Variants in NOSTRIN observed in about 807,000 individuals in gnomAD.
NOSTRIN encodes the protein BM247 homolog.
A neutral mutation model predicts 59.0 loss-of-function variants in NOSTRIN; 63 were observed. That is an observed-to-expected ratio of 1.07 (90% CI 0.87 to 1.32). NOSTRIN has a LOEUF of 1.32. Among genes scored for constraint, NOSTRIN ranks in the 40% most tolerant of loss-of-function variants. The pLI, the probability that NOSTRIN is intolerant of heterozygous loss-of-function variation, is 0.00. For missense variants in NOSTRIN, 512 were observed against 473.1 expected (o/e 1.08, Z -0.76); for synonymous variants, 200 against 165.4 (o/e 1.21, Z -1.61).
chr2:168,819,696 G>C (rs890729200), intron 2 of NOSTRIN, among the ~76,000 whole-genome samples: 3 of 152,208 alleles, frequency 2.0e-5, no homozygotes, highest in Non-Finnish European at 2.9e-5. Flanking sequence ...TAAAATGCAA[G>C]AGTAGATGAT....
intron 1 of NOSTRIN, among the ~76,000 whole-genome samples, chr2:168,810,780 C>G (rs999518142): frequency 6.6e-6 from 1 of 152,176 alleles, no homozygotes; most frequent in Non-Finnish European, 1.5e-5. Context: ...TCATCTAATT[C>G]ACTTGCTCTG....
chr2:168,818,754 A>C (rs1426385672), intron 2 of NOSTRIN, among the ~76,000 whole-genome samples: 1 of 152,236 alleles, frequency 6.6e-6, no homozygotes, highest in Non-Finnish European at 1.5e-5. Flanking sequence ...CCAGCCTTGC[A>C]TGCTGAGAGA....
At chr2:168,863,605 A>C in intron 15 of NOSTRIN, 1 of 985,310 alleles carries the variant, frequency 1.0e-6, no homozygotes. Flanking sequence ...GTTGTATTAA[A>C]GTTGTCTAAG....
intron 14 of NOSTRIN, among the ~76,000 whole-genome samples, chr2:168,861,205 T>C (rs1689425045): frequency 6.6e-6 from 1 of 152,106 alleles, no homozygotes; most frequent in Non-Finnish European, 1.5e-5. Context: ...ACCTAAACCA[T>C]CGTGAGGAGC....
In NOSTRIN at chr2:168,859,781, ATTTTTC is replaced by A. The variant is rs1015946304; in HGVS notation, c.1179+149_1179+154del. The A allele has an allele frequency of 7.7e-6, 9 of 1,174,052 alleles. No individual in the cohort carries two copies. The African/African-American group carries it at 9.3e-5, about 12-fold the overall frequency. 72.7% of individuals were successfully genotyped at this position (1,174,052 alleles called of 1,614,324 possible). ...GTTAGTTAAGAAGATAAATGTTTTT[ATTTTTC>A]TTTTGAGCACAATAACAAGAGCTAG... On this transcript the variant is annotated intron_variant, in intron 13 of 15. Coordinates refer to ENST00000317647, the MANE Select transcript of NOSTRIN (RefSeq NM_001039724.4).
At chr2:168,833,806 A>T (rs996582679) in intron 6 of NOSTRIN, among the ~76,000 whole-genome samples, 1 of 93,474 alleles carries the variant, frequency 1.1e-5, no homozygotes, top group Non-Finnish European at 2.0e-5. Flanking sequence ...AGAACATCTT[A>T]AAACAATCTC....
intron 2 of NOSTRIN, among the ~76,000 whole-genome samples, chr2:168,818,990 A>G (rs937798914): frequency 3.3e-5 from 5 of 152,256 alleles, no homozygotes; most frequent in South Asian, 2.1e-4. Context: ...GGCCAAGACA[A>G]TTGCTTGGAG....
chr2:168,844,565 A>T (rs1688292426), intron 8 of NOSTRIN, among the ~76,000 whole-genome samples: 1 of 152,164 alleles, frequency 6.6e-6, no homozygotes, highest in Non-Finnish European at 1.5e-5. Context: ...TGGAAAGATG[A>T]AGCAATGAGC....
At position 168,864,880 on chromosome 2, in the gene NOSTRIN, T is replaced by A; in HGVS notation, c.1431T>A (p.Phe477Leu). ...AGAAAAAAGAAGGAGGATGGTGGTT[T>A]GGATCTTTGAATGGGAAAAAAGGCC... is the stretch of plus-strand genomic sequence containing the variant. ...IHEKKEGGWWFGSLNGKKGHF... is the reference protein window; with the variant it reads ...IHEKKEGGWWLGSLNGKKGHF... The change falls in exon 16 of 16, where the codon TTT (phenylalanine) becomes TTA (leucine). Residue 477 changes from phenylalanine (F) to leucine (L), a missense_variant. By Grantham distance (22) the Phe-to-Leu change is conservative. Coordinates refer to ENST00000317647, the MANE Select transcript of NOSTRIN (RefSeq NM_001039724.4). The A allele has an allele frequency of 6.2e-7, 1 of 1,614,060 alleles. No homozygotes were observed. Among genetic ancestry groups the A allele is most frequent in the Non-Finnish European group, 8.5e-7 (1 of 1,179,960 alleles).
intron 10 of NOSTRIN, among the ~76,000 whole-genome samples, chr2:168,854,208 A>C (rs1394374884): frequency 6.6e-6 from 1 of 152,232 alleles, no homozygotes. Flanking sequence ...AATGAAAAAT[A>C]TGTAAATAAA....
chr2:168,825,363 T>C (rs1327544372), intron 3 of NOSTRIN, among the ~76,000 whole-genome samples: 1 of 152,226 alleles, frequency 6.6e-6, no homozygotes, highest in African/African-American at 2.4e-5. Flanking sequence ...GCCACATTCA[T>C]AATAGGCCTT....
intron 7 of NOSTRIN, among the ~76,000 whole-genome samples, chr2:168,837,560 C>T (rs553601714): frequency 6.6e-6 from 1 of 152,122 alleles, no homozygotes; most frequent in African/African-American, 2.4e-5. Flanking sequence ...CCGCCCGCCT[C>T]GGCCTCCCAA....
At chr2:168,840,528 T>TGAA (rs1253057959) in intron 7 of NOSTRIN, among the ~76,000 whole-genome samples, 4 of 32,414 alleles carry the variant, frequency 1.2e-4, no homozygotes, top group African/African-American at 5.8e-4. Context: ...AGACTCCATC[T>TGAA]CAAAAAAAAA....
At chr2:168,797,037 T>C (rs116849393), upstream of NOSTRIN, among the ~76,000 whole-genome samples, 139 of 152,020 alleles carry the variant, frequency 9.1e-4, 2 homozygotes, top group East Asian at 0.023. Flanking sequence ...AGGCAGACCA[T>C]TGAACTCATA....
chr2:168,792,498 G>A (rs368038198), intron 2 of NOSTRIN, among the ~76,000 whole-genome samples: 2 of 152,166 alleles, frequency 1.3e-5, no homozygotes, highest in South Asian at 2.1e-4. Flanking sequence ...CACCCAGGCT[G>A]GAGTGCAGTG....
At chr2:168,829,547 C>T (rs1687249387) in intron 5 of NOSTRIN, among the ~76,000 whole-genome samples, 1 of 152,198 alleles carries the variant, frequency 6.6e-6, no homozygotes, top group South Asian at 2.1e-4. Context: ...TCTCCAACTC[C>T]TGACCTCAGG....
At position 168,853,301 on chromosome 2, in the gene NOSTRIN, T is replaced by C. The variant is rs182153677; in HGVS notation, c.855+1897T>C. ...GTAGGCTGGTTTTTATCCAGTGTTA[T>C]GAAATTTACATGGACCAGGGACAAC... On this transcript the variant is annotated intron_variant, in intron 10 of 15. Coordinates refer to ENST00000317647, the MANE Select transcript of NOSTRIN (RefSeq NM_001039724.4). 5.8e-4 allele frequency among the ~76,000 whole-genome samples: 89 copies of C among 152,358 alleles called. 2 individuals are homozygous for C. Among genetic ancestry groups the C allele is most frequent in the Middle Eastern group, 3.4e-3 (1 of 294 alleles).
In NOSTRIN at chr2:168,828,230, C is replaced by T; in HGVS notation, c.260+10C>T. Reference sequence around the variant, plus strand: ...CAGCGGACCTGCATCAGTGAGTTCTCCCACCCTGGCCTTTCTCCAACTCCA... The same window carrying T: ...CAGCGGACCTGCATCAGTGAGTTCTTCCACCCTGGCCTTTCTCCAACTCCA... On this transcript the variant is annotated intron_variant, in intron 4 of 15. Transcript: ENST00000317647. The T allele has an allele frequency of 1.1e-6, 1 of 872,920 alleles. No homozygotes were observed. Among genetic ancestry groups the T allele is most frequent in the Non-Finnish European group, 2.0e-6 (1 of 501,660 alleles). 54.1% of individuals were successfully genotyped at this position (872,920 alleles called of 1,614,324 possible). A position where few individuals can be genotyped will look rare whatever the true frequency, so the allele number is the denominator to read the frequency against.
chr2:168,807,269 TAC>T (rs563859498), intron 1 of NOSTRIN, among the ~76,000 whole-genome samples: 1 of 151,444 alleles, frequency 6.6e-6, no homozygotes, highest in Admixed American at 6.6e-5. Flanking sequence ...CACACATACA[TAC>T]ACACACACAC....
Sources: gnomAD v4.1 joint callset for allele counts (sites outside exome capture counted in the v4.1 genomes callset) on GRCh38, gnomAD v4.1.1 for gene constraint, MANE v1.5 for transcripts, NCBI Gene and HGNC (gene_info 2026-07-23, HGNC 2026-07-21) for gene names.